The following LHFPL3 variants were observed in gnomAD, a reference collection of about 807,000 sequenced individuals.
LHFPL3 encodes the protein LHFPL tetraspan subfamily member 3 protein.
Under a neutral mutation model 19.3 loss-of-function variants are expected in LHFPL3, and 5 were observed. The observed-to-expected ratio is 0.26, with a 90% confidence interval of 0.14 to 0.54. The LOEUF (loss-of-function observed/expected upper bound fraction) is 0.54. Ranked by LOEUF, LHFPL3 falls within the 20% of genes least tolerant of loss-of-function variation. The pLI is 0.94. For missense variants in LHFPL3, 249 were observed against 307.4 expected (o/e 0.81, Z 1.42); for synonymous variants, 133 against 126.2 (o/e 1.05, Z -0.36).
intron 1 of LHFPL3, among the ~76,000 whole-genome samples, chr7:104,724,336 C>T (rs1793550147): frequency 6.6e-6 from 1 of 151,982 alleles, no homozygotes; most frequent in South Asian, 2.1e-4. Flanking sequence ...CAGAATAAAA[C>T]AGCCAAGTAG....
chr7:104,426,609 C>T (rs529464927), intron 1 of LHFPL3, among the ~76,000 whole-genome samples: 1 of 152,226 alleles, frequency 6.6e-6, no homozygotes, highest in East Asian at 1.9e-4. Context: ...TAAATGAAGT[C>T]AGTGTTTATG....
intron 1 of LHFPL3, among the ~76,000 whole-genome samples, chr7:104,519,583 T>G (rs369861405): frequency 6.6e-6 from 1 of 152,092 alleles, no homozygotes; most frequent in Non-Finnish European, 1.5e-5. Context: ...TTGCATTTGG[T>G]GGTTTGTTTG....
At chr7:104,823,691 G>T (rs73181896) in intron 2 of LHFPL3, among the ~76,000 whole-genome samples, 203 of 152,234 alleles carry the variant, frequency 1.3e-3, no homozygotes, top group Non-Finnish European at 2.4e-3. Flanking sequence ...TCTTCAATTG[G>T]TCTGTGAATG....
intron 2 of LHFPL3, among the ~76,000 whole-genome samples, chr7:104,763,160 G>A (rs1012163056): frequency 6.6e-6 from 1 of 152,166 alleles, no homozygotes; most frequent in African/African-American, 2.4e-5. Flanking sequence ...TTAAGCTCTG[G>A]GGCTTGTCAA....
intron 2 of LHFPL3, among the ~76,000 whole-genome samples, chr7:104,898,997 C>T (rs375264793): frequency 5.3e-5 from 8 of 150,642 alleles, no homozygotes; most frequent in Admixed American, 1.3e-4. Context: ...CAGCTACTTA[C>T]GGGGCTGAGG....
At chr7:104,884,878 G>C (rs548569009) in intron 2 of LHFPL3, among the ~76,000 whole-genome samples, 2 of 152,182 alleles carry the variant, frequency 1.3e-5, no homozygotes, top group Non-Finnish European at 2.9e-5. Context: ...CTGAAATTCA[G>C]TCCCAAGGAC....
chr7:104,482,976 T>C (rs927338517), intron 1 of LHFPL3, among the ~76,000 whole-genome samples: 4 of 152,208 alleles, frequency 2.6e-5, no homozygotes, highest in African/African-American at 7.2e-5. Context: ...AGGAAATACG[T>C]TGGACAAACT....
At chr7:104,412,840 T>A (rs1166504565) in intron 1 of LHFPL3, among the ~76,000 whole-genome samples, 1 of 152,192 alleles carries the variant, frequency 6.6e-6, no homozygotes, top group Non-Finnish European at 1.5e-5. Context: ...ATAGACCAGA[T>A]ACATCCTACT....
chr7:104,371,156 T>C (rs1027671684), intron 1 of LHFPL3, among the ~76,000 whole-genome samples: 3 of 152,182 alleles, frequency 2.0e-5, no homozygotes, highest in Admixed American at 2.0e-4. Context: ...TCTGAATTCT[T>C]GAGAGCATAG....
At chr7:104,575,318 A>G (rs569116738) in intron 1 of LHFPL3, among the ~76,000 whole-genome samples, 229 of 152,192 alleles carry the variant, frequency 1.5e-3, no homozygotes, top group Middle Eastern at 3.4e-3. Flanking sequence ...ATTCTGTTCA[A>G]GGGTTTTCAT....
At chr7:104,525,589 G>GT (rs1427478537) in intron 1 of LHFPL3, among the ~76,000 whole-genome samples, 21 of 143,976 alleles carry the variant, frequency 1.5e-4, no homozygotes, top group African/African-American at 5.0e-4. Context: ...TATCTTCTTG[G>GT]TTTTTTTGTT....
At chr7:104,484,561 A>G (rs1793202174) in intron 1 of LHFPL3, among the ~76,000 whole-genome samples, 1 of 152,230 alleles carries the variant, frequency 6.6e-6, no homozygotes, top group Non-Finnish European at 1.5e-5. Context: ...GAGGCAGATG[A>G]GGCAAAACAT....
intron 1 of LHFPL3, among the ~76,000 whole-genome samples, chr7:104,681,104 A>C (rs1792688472): frequency 6.7e-6 from 1 of 149,754 alleles, no homozygotes; most frequent in African/African-American, 2.4e-5. Context: ...AGTATAAGGG[A>C]TTGTGCTACG....
intron 1 of LHFPL3, among the ~76,000 whole-genome samples, chr7:104,584,013 G>A (rs1430780177): frequency 7.4e-4 from 113 of 152,306 alleles, no homozygotes; most frequent in Admixed American, 2.6e-4. Context: ...GAACATGTAT[G>A]TTTATTGCAG....
chr7:104,873,922 T>C (rs1328105411), intron 2 of LHFPL3, among the ~76,000 whole-genome samples: 1 of 152,226 alleles, frequency 6.6e-6, no homozygotes, highest in Non-Finnish European at 1.5e-5. Context: ...TGTGCTTTTA[T>C]GGCAGAAATG....
At chr7:104,463,255 G>T (rs1484501676) in intron 1 of LHFPL3, among the ~76,000 whole-genome samples, 3 of 151,852 alleles carry the variant, frequency 2.0e-5, no homozygotes, top group African/African-American at 7.3e-5. Flanking sequence ...TTTGAATTTG[G>T]TTATTTCTTG....
intron 2 of LHFPL3, among the ~76,000 whole-genome samples, chr7:104,865,830 G>C (rs1025385069): frequency 6.6e-6 from 1 of 152,172 alleles, no homozygotes; most frequent in African/African-American, 2.4e-5. Flanking sequence ...AGAGAAAAAG[G>C]TCAGGTTACC....
At chr7:104,690,540 G>A (rs1792887773) in intron 1 of LHFPL3, among the ~76,000 whole-genome samples, 1 of 152,194 alleles carries the variant, frequency 6.6e-6, no homozygotes, top group African/African-American at 2.4e-5. Context: ...CAAACACTCT[G>A]GACTTACTGA....
chr7:104,414,185 CAG>C (rs1301739434), intron 1 of LHFPL3, among the ~76,000 whole-genome samples: 6 of 151,634 alleles, frequency 4.0e-5, no homozygotes, highest in African/African-American at 1.5e-4. Flanking sequence ...GATGGAGAAT[CAG>C]AGTCATGCTG....
Sources: allele counts gnomAD v4.1 joint callset (sites outside exome capture counted in the v4.1 genomes callset), GRCh38; gene constraint gnomAD v4.1.1; transcripts MANE v1.5; gene names NCBI Gene and HGNC (gene_info 2026-07-23, HGNC 2026-07-21).